CHST11: variants seen among roughly 807,000 people sequenced by gnomAD.
The protein encoded by CHST11 is carbohydrate sulfotransferase 11, also known as C4S-1.
Under a neutral mutation model 30.4 loss-of-function variants are expected in CHST11, and 9 were observed. The observed-to-expected ratio is 0.30, with a 90% CI of 0.18 to 0.52. CHST11 has a LOEUF of 0.52. Among genes scored for constraint, CHST11 ranks in the 20% least tolerant of loss-of-function variants. CHST11 has a pLI of 0.97. For missense variants in CHST11, 348 were observed against 460.6 expected, an observed-to-expected ratio of 0.76 and a Z score of 2.24; for synonymous variants, 152 against 187.8, an observed-to-expected ratio of 0.81 and a Z score of 1.56.
intron 2 of CHST11, among the ~76,000 whole-genome samples, chr12:104,605,770 A>G (rs1365139197): frequency 6.6e-6 from 1 of 152,150 alleles, no homozygotes; most frequent in Non-Finnish European, 1.5e-5. Context: ...TGGGCCGAGC[A>G]CATCTGCGGG....
At chr12:104,728,276 T>G (rs77609208) in intron 2 of CHST11, among the ~76,000 whole-genome samples, 1 of 152,066 alleles carries the variant, frequency 6.6e-6, no homozygotes, top group Non-Finnish European at 1.5e-5. Flanking sequence ...AACTTCCCCA[T>G]AGCTGTGACT....
chr12:104,649,405 A>G (rs1187544531), intron 2 of CHST11, among the ~76,000 whole-genome samples: 1 of 152,202 alleles, frequency 6.6e-6, no homozygotes, highest in Non-Finnish European at 1.5e-5. Context: ...TTTACAGCCA[A>G]TCTGTTAGGC....
At chr12:104,752,435 A>AT (rs1566065480) in intron 2 of CHST11, among the ~76,000 whole-genome samples, 1 of 152,226 alleles carries the variant, frequency 6.6e-6, no homozygotes, top group Non-Finnish European at 1.5e-5. Context: ...TGGGAGGGAC[A>AT]TTATTTGTCA....
At chr12:104,586,491 T>A (rs2038805221) in intron 1 of CHST11, among the ~76,000 whole-genome samples, 1 of 152,212 alleles carries the variant, frequency 6.6e-6, no homozygotes. Flanking sequence ...GAGGCAGGTT[T>A]GGAGTTAATG....
At chr12:104,540,402 T>C (rs547040902) in intron 1 of CHST11, among the ~76,000 whole-genome samples, 1 of 152,378 alleles carries the variant, frequency 6.6e-6, no homozygotes, top group African/African-American at 2.4e-5. Context: ...GAACCATCAA[T>C]TCTAGACTTG....
At chr12:104,637,340 G>GGA (rs2039334790) in intron 2 of CHST11, among the ~76,000 whole-genome samples, 1 of 104,016 alleles carries the variant, frequency 9.6e-6, no homozygotes, top group African/African-American at 4.3e-5. Flanking sequence ...AAAAAAGGGG[G>GGA]TTGGGGGAGG....
intron 2 of CHST11, among the ~76,000 whole-genome samples, chr12:104,607,813 C>A (rs1344159297): frequency 6.6e-6 from 1 of 152,060 alleles, no homozygotes; most frequent in Non-Finnish European, 1.5e-5. Flanking sequence ...TGGTTTTTAC[C>A]TATTGGCAGG....
At chr12:104,687,427 G>A (rs796287488) in intron 2 of CHST11, among the ~76,000 whole-genome samples, 3 of 152,216 alleles carry the variant, frequency 2.0e-5, no homozygotes, top group South Asian at 4.1e-4. Flanking sequence ...CATGTGAAGC[G>A]CTTTACCTGA....
chr12:104,589,934 G>A (rs1055512738), intron 1 of CHST11, among the ~76,000 whole-genome samples: 10 of 152,088 alleles, frequency 6.6e-5, no homozygotes, highest in Admixed American at 1.3e-4. Flanking sequence ...GCTTGAATCC[G>A]GGAGGAGGAG....
At chr12:104,604,827 A>G (rs1417751456) in intron 2 of CHST11, among the ~76,000 whole-genome samples, 1 of 152,204 alleles carries the variant, frequency 6.6e-6, no homozygotes, top group Non-Finnish European at 1.5e-5. Context: ...TTAGGTGATA[A>G]GAAACCAACA....
Position 104,613,983 on chromosome 12 carries a change from C to A in CHST11, c.204+11992C>A, listed in dbSNP as rs79208788. ...GGAGATCTAATGCACAGCTTGATGA[C>A]TATGGTTAATAATAATATATTGTAG... On this transcript the variant is annotated intron_variant, in intron 2 of 2. Coordinates refer to ENST00000303694, the MANE Select transcript of CHST11 (RefSeq NM_018413.6). Among the ~76,000 whole-genome samples the A allele has an allele frequency of 1.7e-3, 263 of 152,230 alleles. 2 individuals are homozygous for A. Among genetic ancestry groups the A allele is most frequent in the African/African-American group, 6.1e-3 (254 of 41,530 alleles).
intron 1 of CHST11, among the ~76,000 whole-genome samples, chr12:104,583,719 C>T (rs774532738): frequency 5.6e-4 from 3 of 5,312 alleles, no homozygotes; most frequent in African/African-American, 3.4e-3. Context: ...AAAGATCTCT[C>T]TCTTTTTTTT....
At chr12:104,563,928 C>T (rs2038536951) in intron 1 of CHST11, among the ~76,000 whole-genome samples, 1 of 152,026 alleles carries the variant, frequency 6.6e-6, no homozygotes, top group African/African-American at 2.4e-5. Context: ...CCACAGCCTG[C>T]TCTTAGTTAC....
chr12:104,695,746 C>T (rs2039938234), intron 2 of CHST11, among the ~76,000 whole-genome samples: 2 of 152,104 alleles, frequency 1.3e-5, no homozygotes, highest in South Asian at 4.2e-4. Context: ...AAATCCATTA[C>T]CCAGAAGCGG....
intron 1 of CHST11, among the ~76,000 whole-genome samples, chr12:104,541,952 G>T (rs1307471233): frequency 6.6e-6 from 1 of 152,186 alleles, no homozygotes; most frequent in South Asian, 2.1e-4. Flanking sequence ...GCTACCAGTT[G>T]CTATACCAGA....
In CHST11 at chr12:104,595,692, C is replaced by T. The variant is rs970338323; in HGVS notation, c.119-6214C>T. ...TTTCCACATGGACAGTTTTTGAGTG[C>T]CATGGACCAGGCTAGTTGAGTGCCA... On this transcript the variant is annotated intron_variant, in intron 1 of 2. Coordinates refer to ENST00000303694, the MANE Select transcript of CHST11 (RefSeq NM_018413.6). Among the ~76,000 whole-genome samples the T allele has an allele frequency of 2.6e-5, 4 of 152,098 alleles. No homozygotes were observed. The South Asian group carries it at 6.2e-4, about 24-fold the overall frequency.
At chr12:104,654,430 C>T (rs977871647) in intron 2 of CHST11, among the ~76,000 whole-genome samples, 1 of 152,162 alleles carries the variant, frequency 6.6e-6, no homozygotes, top group African/African-American at 2.4e-5. Context: ...CCCATGGACA[C>T]AGTAGGAAGT....
At chr12:104,465,619 A>G (rs1487140248) in intron 1 of CHST11, among the ~76,000 whole-genome samples, 1 of 152,114 alleles carries the variant, frequency 6.6e-6, no homozygotes, top group Admixed American at 6.5e-5. Flanking sequence ...ATAGCCTCTG[A>G]CCCTGGCCCA....
intron 2 of CHST11, among the ~76,000 whole-genome samples, chr12:104,721,578 C>T (rs1265029569): frequency 1.3e-5 from 2 of 152,166 alleles, no homozygotes; most frequent in Non-Finnish European, 2.9e-5. Flanking sequence ...GGCAAGTGTA[C>T]CCCTGCGCCT....
Sources: allele counts gnomAD v4.1 joint callset (sites outside exome capture counted in the v4.1 genomes callset), GRCh38; gene constraint gnomAD v4.1.1; transcripts MANE v1.5; gene names NCBI Gene and HGNC (gene_info 2026-07-23, HGNC 2026-07-21).